Variants in DCC observed in about 807,000 individuals in gnomAD.
The protein encoded by DCC is netrin receptor DCC.
A neutral mutation model predicts 172.5 loss-of-function variants in DCC; 58 were observed. The ratio of observed to expected loss-of-function variants is 0.34; its 90% CI spans 0.27 to 0.42. The LOEUF (loss-of-function observed/expected upper bound fraction) is 0.42, where lower values mean the gene tolerates loss of function less well. DCC is among the 10% of genes least tolerant of loss of function. DCC has a pLI of 1.00. For synonymous variants in DCC, 709 were observed against 644.5 expected, an observed-to-expected ratio of 1.10 and a Z score of -1.52; for missense variants, 1,740 against 1,791.0, an observed-to-expected ratio of 0.97 and a Z score of 0.51.
chr18:53,261,352 T>C (rs2056597863), intron 12 of DCC, among the ~76,000 whole-genome samples: 1 of 152,146 alleles, frequency 6.6e-6, no homozygotes, highest in African/African-American at 2.4e-5. Context: ...CTCCACACCC[T>C]CGTGAGGACG....
chr18:52,730,518 T>C (rs1352623071), intron 1 of DCC, among the ~76,000 whole-genome samples: 1 of 152,222 alleles, frequency 6.6e-6, no homozygotes, highest in Non-Finnish European at 1.5e-5. Flanking sequence ...TCAAAGTATG[T>C]GAACTATTGC....
At chr18:53,104,808 A>G (rs1049115755) in intron 7 of DCC, among the ~76,000 whole-genome samples, 1 of 152,014 alleles carries the variant, frequency 6.6e-6, no homozygotes, top group East Asian at 1.9e-4. Context: ...TTAAGTCATC[A>G]TACTACTTGG....
chr18:53,313,994 A>G (rs1027584696), intron 13 of DCC, among the ~76,000 whole-genome samples: 2 of 152,260 alleles, frequency 1.3e-5, no homozygotes, highest in Admixed American at 6.5e-5. Context: ...AATGTCAGTT[A>G]TCACTACATC....
intron 5 of DCC, among the ~76,000 whole-genome samples, chr18:52,999,657 C>T (rs1461827436): frequency 6.6e-6 from 1 of 152,020 alleles, no homozygotes; most frequent in Non-Finnish European, 1.5e-5. Flanking sequence ...AGTATCTTCC[C>T]TTTCAAAACC....
At chr18:52,884,701 C>G (rs538364247) in intron 2 of DCC, among the ~76,000 whole-genome samples, 7 of 152,148 alleles carry the variant, frequency 4.6e-5, no homozygotes, top group Non-Finnish European at 1.0e-4. Flanking sequence ...ATCCCTGGTG[C>G]CTTATTTAGT....
At chr18:53,125,934 G>A (rs1431495661) in intron 7 of DCC, among the ~76,000 whole-genome samples, 3 of 152,148 alleles carry the variant, frequency 2.0e-5, no homozygotes, top group African/African-American at 7.2e-5. Context: ...ATGTGCTGAT[G>A]TAGGAAGACA....
chr18:53,518,300 G>A (rs754306459), intron 27 of DCC, among the ~76,000 whole-genome samples: 16 of 152,038 alleles, frequency 1.1e-4, no homozygotes, highest in Non-Finnish European at 2.1e-4. Context: ...GGAAAAAGTG[G>A]GGAAGATGTG....
At chr18:52,435,369 C>T (rs1224743261) in intron 1 of DCC, among the ~76,000 whole-genome samples, 1 of 152,152 alleles carries the variant, frequency 6.6e-6, no homozygotes, top group South Asian at 2.1e-4. Context: ...TAGCCCTTCT[C>T]TATTTCATAA....
chr18:52,827,975 T>C (rs2038542303), intron 2 of DCC, among the ~76,000 whole-genome samples: 1 of 152,078 alleles, frequency 6.6e-6, no homozygotes, highest in African/African-American at 2.4e-5. Flanking sequence ...TTTTTTTTTT[T>C]CTTTTTTAAG....
chr18:52,633,650 C>T (rs1299057221), intron 1 of DCC, among the ~76,000 whole-genome samples: 1 of 152,104 alleles, frequency 6.6e-6, no homozygotes, highest in Non-Finnish European at 1.5e-5. Context: ...AGTGGTTTCA[C>T]TGTCAAATTG....
chr18:52,865,611 C>CTT (rs552284612), intron 2 of DCC, among the ~76,000 whole-genome samples: 3,131 of 144,914 alleles, frequency 0.022, 52 homozygotes, highest in Admixed American at 0.041. Context: ...TGATGATGAG[C>CTT]TTTTTTTTTT....
chr18:52,762,996 A>G (rs998174678), intron 2 of DCC, among the ~76,000 whole-genome samples: 9 of 152,232 alleles, frequency 5.9e-5, no homozygotes, highest in African/African-American at 2.2e-4. Flanking sequence ...ACACATTCAC[A>G]CACCTTTCCA....
At position 53,397,347 on chromosome 18, in the gene DCC, C is replaced by T. The variant is rs779262353; in HGVS notation, c.2728C>T (p.Leu910Phe). Residue 910 changes from leucine (L) to phenylalanine (F), a missense_variant, in exon 18 of 29, where the codon CTC becomes TTC. By Grantham distance (22) the Leu-to-Phe change is conservative. This residue lies in a region of DCC where 1,732 missense variants were observed against 1,767.4 expected (regional missense o/e 0.98). Coordinates refer to ENST00000442544, the MANE Select transcript of DCC (RefSeq NM_005215.4). ...ATCTCTAAGTTACACAGCAACAGGC[C>T]TCAAACCAAACACAATGTATGAATT... Reference protein sequence around the residue: ...TTSLSYTATGLKPNTMYEFSV... With the variant: ...TTSLSYTATGFKPNTMYEFSV... 1 of 1,613,712 alleles carries T rather than the reference C, an allele frequency of 6.2e-7. No homozygotes were observed.
intron 2 of DCC, among the ~76,000 whole-genome samples, chr18:52,840,184 C>T (rs2038780241): frequency 6.6e-6 from 1 of 152,110 alleles, no homozygotes; most frequent in Admixed American, 6.5e-5. Flanking sequence ...ATTTCATTGC[C>T]CAACTGTTCA....
In DCC at chr18:53,050,087, G is replaced by A. The variant is rs566914012; in HGVS notation, c.986-13218G>A. Among the ~76,000 whole-genome samples the A allele has an allele frequency of 2.6e-5, 4 of 152,216 alleles. No homozygotes were observed. The East Asian group carries it at 5.8e-4, about 22-fold the overall frequency. ...ACTTAGAGTCTGATGTTCAAGGGCAGGAAGCATCCAGCACAGGAGAAAGAT... is the reference window on the plus strand; with the variant it reads ...ACTTAGAGTCTGATGTTCAAGGGCAAGAAGCATCCAGCACAGGAGAAAGAT... On this transcript the variant is annotated intron_variant, in intron 5 of 28. Transcript: ENST00000442544.
At chr18:52,918,627 C>G (rs541592627) in intron 3 of DCC, among the ~76,000 whole-genome samples, 1 of 152,028 alleles carries the variant, frequency 6.6e-6, no homozygotes, top group Non-Finnish European at 1.5e-5. Context: ...GATGAAAAAA[C>G]CACCCATAAT....
At chr18:53,142,491 A>T (rs539985164) in intron 7 of DCC, among the ~76,000 whole-genome samples, 3 of 152,322 alleles carry the variant, frequency 2.0e-5, no homozygotes, top group Non-Finnish European at 4.4e-5. Flanking sequence ...TCCTTTTATT[A>T]TATGTCTTCA....
chr18:52,340,765 G>A lies in DCC; in HGVS notation c.-23G>A, dbSNP rs1048593061. The stretch of plus-strand genomic sequence containing the variant: ...GTGCTGCCGCTGCCCGCGACCCCTG[G>A]CCCCGAAGGTGTTGGCTGAAATATG... On this transcript the variant is annotated 5_prime_UTR_variant, in exon 1 of 29. It introduces an in-frame stop codon into an upstream open reading frame of the 5' UTR. Transcript: ENST00000442544. 3.8e-6 allele frequency: 6 copies of A among 1,599,012 alleles called. No individual in the cohort carries two copies. The highest frequency in any genetic ancestry group is 2.7e-5 in the African/African-American group (2 of 74,742).
At chr18:52,992,806 T>C (rs971465914) in intron 5 of DCC, among the ~76,000 whole-genome samples, 2 of 151,898 alleles carry the variant, frequency 1.3e-5, no homozygotes, top group Non-Finnish European at 2.9e-5. Flanking sequence ...CGAAATCACA[T>C]CTCTACCAAA....
Sources: allele counts gnomAD v4.1 joint callset (sites outside exome capture counted in the v4.1 genomes callset), GRCh38; gene constraint gnomAD v4.1.1; regional missense constraint gnomAD v4.1.1; transcripts MANE v1.5; gene names NCBI Gene and HGNC (gene_info 2026-07-23, HGNC 2026-07-21).